TMEM132C: variants seen among roughly 807,000 people sequenced by gnomAD.
TMEM132C encodes the protein transmembrane protein 132C, also known as protein phosphatase 1, regulatory subunit 152.
A neutral mutation model predicts 61.4 loss-of-function variants in TMEM132C; 29 were observed. The ratio of observed to expected loss-of-function variants is 0.47; its 90% CI spans 0.35 to 0.64. The LOEUF (loss-of-function observed/expected upper bound fraction) is 0.64. Among genes scored for constraint, TMEM132C ranks in the 30% least tolerant of loss-of-function variants. The pLI is 0.00. For missense variants in TMEM132C, 1,408 were observed against 1,476.9 expected, an observed-to-expected ratio of 0.95 and a Z score of 0.76; for synonymous variants, 656 against 633.1, an observed-to-expected ratio of 1.04 and a Z score of -0.54.
Position 128,448,942 on chromosome 12 carries a change from C to T in TMEM132C, c.974+33322C>T, listed in dbSNP as rs906293612. ...CACGAGGTCAGGAGATCGAGACCAT[C>T]CTGGCTAACACGGCGAAACCCTGTC... On this transcript the variant is annotated intron_variant, in intron 2 of 8. Coordinates refer to ENST00000435159, the MANE Select transcript of TMEM132C (RefSeq NM_001136103.3). Among the ~76,000 whole-genome samples, 224 of 151,892 alleles carry T rather than the reference C, an allele frequency of 1.5e-3. 2 individuals carry two copies. The highest frequency in any genetic ancestry group is 2.7e-3 in the Non-Finnish European group (183 of 67,944).
chr12:128,405,971 T>G (rs1875330638), intron 1 of TMEM132C, among the ~76,000 whole-genome samples: 1 of 152,254 alleles, frequency 6.6e-6, no homozygotes, highest in Non-Finnish European at 1.5e-5. Flanking sequence ...TGATTGTTCT[T>G]GTCTGCTGCA....
chr12:128,488,066 T>C (rs57878042), intron 2 of TMEM132C, among the ~76,000 whole-genome samples: 5,285 of 152,288 alleles, frequency 0.035, 312 homozygotes, highest in African/African-American at 0.12. Context: ...TTCTAATTTG[T>C]AGCACTTGCC....
intron 2 of TMEM132C, among the ~76,000 whole-genome samples, chr12:128,496,696 G>A (rs912442842): frequency 5.9e-5 from 9 of 152,142 alleles, no homozygotes; most frequent in Non-Finnish European, 1.2e-4. Context: ...GGTCATTTAA[G>A]GACTTCACTA....
In TMEM132C at chr12:128,415,565, G is replaced by T; in HGVS notation, c.919G>T (p.Val307Phe). The change falls in exon 2 of 9, where the codon GTC becomes TTC. Residue 307 changes from valine (V) to phenylalanine (F), a missense_variant. Val to Phe is a conservative substitution (Grantham distance 50). Transcript: ENST00000435159. The surrounding 1 kb of genome is among the most constrained non-coding windows in gnomAD (Gnocchi z 5.8). ...CAGGCCAGTCAAGCAGGGAGAGGTG[G>T]TCACGGCCTATGTCACCATCTCGAG... ...PSRPVKQGEVVTAYVTISSNS... is the reference protein window; with the variant it reads ...PSRPVKQGEVFTAYVTISSNS... The T allele has an allele frequency of 3.2e-6, 5 of 1,550,776 alleles. No individual in the cohort carries two copies. The highest frequency in any genetic ancestry group is 3.5e-6 in the Non-Finnish European group (4 of 1,146,778).
chr12:128,538,908 G>A (rs1016994730), intron 2 of TMEM132C, among the ~76,000 whole-genome samples: 2 of 152,082 alleles, frequency 1.3e-5, no homozygotes, highest in Non-Finnish European at 2.9e-5. Context: ...GTAAAATCAA[G>A]TATTAAATTA....
At chr12:128,629,842 T>C (rs1011066170) in intron 4 of TMEM132C, among the ~76,000 whole-genome samples, 3 of 152,044 alleles carry the variant, frequency 2.0e-5, no homozygotes, top group Non-Finnish European at 4.4e-5. Flanking sequence ...GGTGCACACC[T>C]GTAATCCCAG....
At chr12:128,348,370 G>T (rs1873237150) in intron 1 of TMEM132C, among the ~76,000 whole-genome samples, 2 of 152,282 alleles carry the variant, frequency 1.3e-5, no homozygotes, top group South Asian at 2.1e-4. Flanking sequence ...CATGCCACCT[G>T]AGAAGAGAAA....
chr12:128,300,682 G>A (rs1396775977), intron 1 of TMEM132C, among the ~76,000 whole-genome samples: 3 of 152,176 alleles, frequency 2.0e-5, no homozygotes, highest in African/African-American at 7.2e-5. Flanking sequence ...TGCTTCCCTA[G>A]AAATATGGAA....
At chr12:128,606,949 G>A (rs1199081558) in intron 3 of TMEM132C, among the ~76,000 whole-genome samples, 3 of 152,072 alleles carry the variant, frequency 2.0e-5, no homozygotes, top group Non-Finnish European at 2.9e-5. Context: ...ACCCTTTCAC[G>A]GGGCTTACAT....
chr12:128,558,003 C>T (rs7963157), intron 3 of TMEM132C, among the ~76,000 whole-genome samples: 5,446 of 152,232 alleles, frequency 0.036, 325 homozygotes, highest in African/African-American at 0.12. Context: ...CGCGGTTTCG[C>T]GCACATTAGT....
intron 1 of TMEM132C, among the ~76,000 whole-genome samples, chr12:128,381,822 G>A (rs1459633435): frequency 1.3e-5 from 2 of 152,154 alleles, no homozygotes; most frequent in African/African-American, 2.4e-5. Flanking sequence ...AGCACTTCTC[G>A]GAAGCTTCCC....
Position 128,521,323 on chromosome 12 carries a change from G to A in TMEM132C, c.975-22634G>A, listed in dbSNP as rs961190386. 2.2e-3 allele frequency among the ~76,000 whole-genome samples: 312 copies of A among 143,328 alleles called. 3 individuals are homozygous for A. The highest frequency in any genetic ancestry group is 7.3e-3 in the African/African-American group (291 of 39,678). The allele number at this position is 143,328 out of a possible 152,430, so 94.0% of individuals were successfully genotyped here. The stretch of plus-strand genomic sequence containing the variant: ...TATATATGTGTATATATATATATGT[G>A]TGTGTGTGTGTGTGTGTGTGTGTAT... On this transcript the variant is annotated intron_variant, in intron 2 of 8. Transcript: ENST00000435159.
At chr12:128,458,497 G>A (rs1444909528) in intron 2 of TMEM132C, among the ~76,000 whole-genome samples, 1 of 152,020 alleles carries the variant, frequency 6.6e-6, no homozygotes, top group East Asian at 1.9e-4. Flanking sequence ...GGGGACGCAG[G>A]ATTCCTCTCA....
intron 1 of TMEM132C, among the ~76,000 whole-genome samples, chr12:128,306,296 G>T (rs80308353): frequency 6.8e-6 from 1 of 147,088 alleles, no homozygotes; most frequent in African/African-American, 2.5e-5. Context: ...TCTGCCCCCC[G>T]GGTTCTGCCA....
At chr12:128,439,793 C>A (rs898792988) in intron 2 of TMEM132C, among the ~76,000 whole-genome samples, 1 of 152,030 alleles carries the variant, frequency 6.6e-6, no homozygotes, top group Non-Finnish European at 1.5e-5. Context: ...ACAGCATCCC[C>A]TACAGTAAGG....
intron 1 of TMEM132C, among the ~76,000 whole-genome samples, chr12:128,292,083 T>C (rs796546771): frequency 6.6e-6 from 1 of 152,202 alleles, no homozygotes; most frequent in Non-Finnish European, 1.5e-5. Context: ...CCGTCTCTGC[T>C]TCATAACTCT....
chr12:128,482,969 C>T (rs956904954), intron 2 of TMEM132C, among the ~76,000 whole-genome samples: 2 of 151,908 alleles, frequency 1.3e-5, no homozygotes, highest in Admixed American at 6.6e-5. Flanking sequence ...CTTGGCCAGG[C>T]ATGGTGACTC....
In TMEM132C at chr12:128,630,604, C is replaced by T. The variant is rs995250932; in HGVS notation, c.1305+14269C>T. Among the ~76,000 whole-genome samples the T allele has an allele frequency of 2.0e-5, 3 of 152,182 alleles. No individual in the cohort carries two copies. Among genetic ancestry groups the T allele is most frequent in the Admixed American group, 6.5e-5 (1 of 15,280 alleles). On this transcript the variant is annotated intron_variant, in intron 4 of 8. Coordinates refer to ENST00000435159, the MANE Select transcript of TMEM132C (RefSeq NM_001136103.3). This position sits in a 1 kb window ranked among gnomAD's most constrained non-coding sequence, Gnocchi z 4.3. ...CTATCTGTGCAGTCAGCCTCTCCAT[C>T]GTCCATGTTCCCTCTGGGCGGTCAT... is the stretch of plus-strand genomic sequence containing the variant.
chr12:128,495,322 G>A (rs1376171398), intron 2 of TMEM132C, among the ~76,000 whole-genome samples: 1 of 152,038 alleles, frequency 6.6e-6, no homozygotes, highest in East Asian at 1.9e-4. Flanking sequence ...GTTGATTTGG[G>A]GTGGAGAGTT....
Sources: allele counts gnomAD v4.1 joint callset (sites outside exome capture counted in the v4.1 genomes callset), GRCh38; gene constraint gnomAD v4.1.1; non-coding constraint Gnocchi (gnomAD v3.1); transcripts MANE v1.5; gene names NCBI Gene and HGNC (gene_info 2026-07-23, HGNC 2026-07-21).